Variants in RABGAP1L observed in about 807,000 individuals in gnomAD.
RABGAP1L encodes rab GTPase-activating protein 1-like.
RABGAP1L carries 63 observed loss-of-function variants against 137.7 expected under a neutral mutation model. That is an observed-to-expected ratio of 0.46 (90% confidence interval 0.37 to 0.56). RABGAP1L has a LOEUF of 0.56. Among genes scored for constraint, RABGAP1L ranks in the 20% least tolerant of loss-of-function variants. The pLI is 0.00. For missense variants in RABGAP1L, 1,095 were observed against 1,244.0 expected (o/e 0.88, Z 1.80); for synonymous variants, 431 against 433.7 (o/e 0.99, Z 0.08).
At chr1:174,541,257 C>G (rs994642365) in intron 13 of RABGAP1L, among the ~76,000 whole-genome samples, 2 of 152,088 alleles carry the variant, frequency 1.3e-5, no homozygotes, top group Non-Finnish European at 2.9e-5. Context: ...TTGACTTCCC[C>G]TTTTCCTAAT....
chr1:174,630,490 T>C (rs1673280472), intron 13 of RABGAP1L, among the ~76,000 whole-genome samples: 1 of 103,416 alleles, frequency 9.7e-6, no homozygotes, highest in Non-Finnish European at 1.9e-5. Context: ...CTTGTACCTC[T>C]GGTAGAATTC....
chr1:174,965,059 C>T, intron 20 of RABGAP1L: 1 of 1,152,514 alleles, frequency 8.7e-7, no homozygotes, highest in Non-Finnish European at 1.2e-6. Context: ...GTATCCTCCT[C>T]CCAAAAGTTA....
chr1:174,573,514 A>T (rs961535470), intron 13 of RABGAP1L, among the ~76,000 whole-genome samples: 2 of 152,126 alleles, frequency 1.3e-5, no homozygotes, highest in Admixed American at 1.3e-4. Context: ...AAAAATATTA[A>T]TGATTACTGC....
chr1:174,246,445 A>G (rs1361311620), intron 5 of RABGAP1L: 1 of 152,176 alleles, frequency 6.6e-6, no homozygotes, highest in East Asian at 1.9e-4. Flanking sequence ...TTCTTGATGT[A>G]CAGTTAGCCC....
chr1:174,528,503 T>A (rs1336422124), intron 13 of RABGAP1L, among the ~76,000 whole-genome samples: 2 of 151,976 alleles, frequency 1.3e-5, no homozygotes, highest in African/African-American at 4.8e-5. Flanking sequence ...CTTTTTTTTT[T>A]ATTTCAGCGC....
intron 3 of RABGAP1L, among the ~76,000 whole-genome samples, chr1:174,223,831 G>T (rs1669962225): frequency 6.6e-6 from 1 of 152,266 alleles, no homozygotes; most frequent in Admixed American, 6.5e-5. Context: ...CAGAGTTACA[G>T]TGATTAAACC....
At chr1:174,665,647 G>T (rs1485499145) in intron 14 of RABGAP1L, among the ~76,000 whole-genome samples, 2 of 152,142 alleles carry the variant, frequency 1.3e-5, no homozygotes. Context: ...TAGAGACGGA[G>T]TTTTACCATG....
chr1:174,735,910 A>T (rs1432296433), intron 17 of RABGAP1L, among the ~76,000 whole-genome samples: 1 of 152,156 alleles, frequency 6.6e-6, no homozygotes, highest in East Asian at 1.9e-4. Context: ...TTCATGAGGG[A>T]TACACCTCCA....
rs191156411 is a variant in RABGAP1L, at chr1:174,369,873, A to G, written c.1466-1106A>G. 1.2e-3 allele frequency among the ~76,000 whole-genome samples: 178 copies of G among 152,342 alleles called. 1 individual carries two copies. The highest frequency in any genetic ancestry group is 4.2e-3 in the African/African-American group (174 of 41,592). On this transcript the variant is annotated intron_variant, in intron 11 of 25. Coordinates refer to ENST00000681986, the MANE Select transcript of RABGAP1L (RefSeq NM_001366446.1). Reference sequence around the variant, plus strand: ...TCTTATTTACCTAGTATTGCTTTAAAGATGATGAAACATTTGTCTCTGTAT... The same window carrying G: ...TCTTATTTACCTAGTATTGCTTTAAGGATGATGAAACATTTGTCTCTGTAT...
At chr1:174,549,264 A>T (rs1298027441) in intron 13 of RABGAP1L, among the ~76,000 whole-genome samples, 1 of 152,182 alleles carries the variant, frequency 6.6e-6, no homozygotes, top group African/African-American at 2.4e-5. Flanking sequence ...AAGGAGATAG[A>T]AGAAGCAGGG....
intron 19 of RABGAP1L, chr1:174,892,719 CTTT>C: frequency 2.2e-6 from 1 of 447,438 alleles, no homozygotes; most frequent in Non-Finnish European, 4.3e-6. Flanking sequence ...TACCTCATTT[CTTT>C]GTTTTCTTTC....
intron 13 of RABGAP1L, among the ~76,000 whole-genome samples, chr1:174,635,634 T>G (rs780551296): frequency 7.6e-6 from 1 of 131,160 alleles, no homozygotes; most frequent in Non-Finnish European, 1.5e-5. Context: ...TTATGGTGAT[T>G]TTTTAAGGCT....
intron 11 of RABGAP1L, among the ~76,000 whole-genome samples, chr1:174,362,046 G>T (rs770409417): frequency 2.6e-5 from 4 of 152,124 alleles, no homozygotes; most frequent in Non-Finnish European, 4.4e-5. Flanking sequence ...TCAGTTTTCT[G>T]TTCCTGCGTT....
chr1:174,632,285 C>T (rs1482168397), intron 13 of RABGAP1L, among the ~76,000 whole-genome samples: 4 of 148,350 alleles, frequency 2.7e-5, no homozygotes, highest in Non-Finnish European at 4.4e-5. Context: ...ATGGGCTTCC[C>T]TTTGAGGGTA....
At chr1:174,687,541 A>G (rs554994074) in intron 15 of RABGAP1L, among the ~76,000 whole-genome samples, 79 of 152,346 alleles carry the variant, frequency 5.2e-4, no homozygotes, top group Middle Eastern at 6.8e-3. Context: ...ACCAATTTGA[A>G]TAACAGAAGT....
At chr1:174,525,533 T>C (rs1033329066) in intron 13 of RABGAP1L, among the ~76,000 whole-genome samples, 16 of 152,100 alleles carry the variant, frequency 1.1e-4, no homozygotes, top group African/African-American at 3.9e-4. Flanking sequence ...CTCTAAGAGA[T>C]TTTTTGTTGG....
At chr1:174,351,287 T>C (rs1395659875) in intron 11 of RABGAP1L, among the ~76,000 whole-genome samples, 3 of 152,200 alleles carry the variant, frequency 2.0e-5, no homozygotes, top group African/African-American at 7.2e-5. Flanking sequence ...TCAGATAATT[T>C]CTTATTGTTC....
At chr1:174,355,812 A>T (rs957157361) in intron 11 of RABGAP1L, among the ~76,000 whole-genome samples, 1 of 152,170 alleles carries the variant, frequency 6.6e-6, no homozygotes, top group Non-Finnish European at 1.5e-5. Context: ...TCAGAATGAC[A>T]GTGATGATGC....
At chr1:174,926,140 T>C (rs1662807246) in intron 19 of RABGAP1L, among the ~76,000 whole-genome samples, 1 of 152,180 alleles carries the variant, frequency 6.6e-6, no homozygotes, top group East Asian at 1.9e-4. Flanking sequence ...GGCTCTTTAA[T>C]ACTGATTTGT....
Sources: allele counts gnomAD v4.1 joint callset (sites outside exome capture counted in the v4.1 genomes callset), GRCh38; gene constraint gnomAD v4.1.1; transcripts MANE v1.5; gene names NCBI Gene and HGNC (gene_info 2026-07-23, HGNC 2026-07-21).